The following PAN3 variants were observed in gnomAD, a reference collection of about 807,000 sequenced individuals.
PAN3 encodes poly(A) specific ribonuclease subunit PAN3, also known as PAN2-PAN3 deadenylation complex subunit PAN3.
PAN3 carries 19 observed loss-of-function variants against 96.2 expected under a neutral mutation model. That is an observed-to-expected ratio of 0.20 (90% CI 0.14 to 0.29). The LOEUF (loss-of-function observed/expected upper bound fraction) is 0.29, where lower values mean the gene tolerates loss of function less well. PAN3 is among the 10% of genes least tolerant of loss of function. The probability of loss-of-function intolerance (pLI) is 1.00; values close to 1 mark genes in which losing one functional copy is unlikely to be tolerated. For synonymous variants in PAN3, 433 were observed against 406.6 expected (o/e 1.06, Z -0.78); for missense variants, 882 against 1,108.1 (o/e 0.80, Z 2.90).
chr13:28,146,194 T>C (rs1184723795), intron 1 of PAN3, among the ~76,000 whole-genome samples: 2 of 152,048 alleles, frequency 1.3e-5, no homozygotes, highest in Non-Finnish European at 2.9e-5. Context: ...TCTGTGTGTT[T>C]AGATCTTTTC....
At position 28,280,454 on chromosome 13, in the gene PAN3, C is replaced by T; in HGVS notation, c.2232C>T (p.Asp744=). ...TDQNRMRSVN[D]IMPMIGARFY... ...AAAACAGGATGCGAAGTGTAAATGA[C>T]ATCATGCCCATGATTGGTGCTCGAT... The change falls in exon 16 of 19, where the codon GAC becomes GAT. Residue 744 remains aspartate (D), a synonymous_variant. Transcript: ENST00000380958. 1 of 1,612,472 alleles carries T rather than the reference C, an allele frequency of 6.2e-7. No individual in the cohort carries two copies. Among genetic ancestry groups the T allele is most frequent in the Non-Finnish European group, 8.5e-7 (1 of 1,178,978 alleles).
At chr13:28,141,866 AG>A (rs1869901026) in intron 1 of PAN3, among the ~76,000 whole-genome samples, 1 of 152,180 alleles carries the variant, frequency 6.6e-6, no homozygotes, top group African/African-American at 2.4e-5. Context: ...CTTAAGGTGG[AG>A]GAAAAAATAT....
chr13:28,175,240 G>C (rs1472295618), intron 2 of PAN3, among the ~76,000 whole-genome samples: 1 of 151,956 alleles, frequency 6.6e-6, no homozygotes, highest in Non-Finnish European at 1.5e-5. Context: ...TCATCTTTAC[G>C]TTTCTCTCCC....
At chr13:28,231,880 C>T (rs1312424015) in intron 6 of PAN3, among the ~76,000 whole-genome samples, 2 of 152,030 alleles carry the variant, frequency 1.3e-5, no homozygotes, top group Non-Finnish European at 2.9e-5. Flanking sequence ...CCAGCCTGGG[C>T]AGCACAGTGA....
At chr13:28,247,277 T>A (rs1884286429) in intron 6 of PAN3, among the ~76,000 whole-genome samples, 1 of 152,100 alleles carries the variant, frequency 6.6e-6, no homozygotes, top group South Asian at 2.1e-4. Flanking sequence ...GGATTTATTT[T>A]TTTATTTTTA....
intron 18 of PAN3, among the ~76,000 whole-genome samples, chr13:28,288,325 A>T (rs1459414580): frequency 6.6e-6 from 1 of 152,172 alleles, no homozygotes; most frequent in African/African-American, 2.4e-5. Flanking sequence ...TGGAGGACAG[A>T]GTCTTGCTCT....
At position 28,292,590 on chromosome 13, in the gene PAN3, A is replaced by T. The variant is rs1479787609; in HGVS notation, c.*68A>T. 2 of 1,440,738 alleles carry T rather than the reference A, an allele frequency of 1.4e-6. No individual in the cohort carries two copies. The highest frequency in any genetic ancestry group is 1.9e-6 in the Non-Finnish European group (2 of 1,079,036). 89.2% of individuals were successfully genotyped at this position (1,440,738 alleles called of 1,614,324 possible). ...CCAATAGCAAATTGCACTACAGCTGAACTTTTCATCATCTCATTCACATTT... is the reference window on the plus strand; with the variant it reads ...CCAATAGCAAATTGCACTACAGCTGTACTTTTCATCATCTCATTCACATTT... On this transcript the variant is annotated 3_prime_UTR_variant, in exon 19 of 19. Coordinates refer to ENST00000380958, the MANE Select transcript of PAN3 (RefSeq NM_175854.8).
In PAN3 at chr13:28,139,514, T is replaced by TTGTGTGTGTGTGTGTGTG. The variant is rs10577740; in HGVS notation, c.430+447_430+464dup. ...GGTTCCCTAGTGGGGAGGGGTGTGT[T>TTGTGTGTGTGTGTGTGTG]TGTGTGTGTGTGTGTGTGTGTGTGT... On this transcript the variant is annotated intron_variant, in intron 1 of 18. Transcript: ENST00000380958. Among the ~76,000 whole-genome samples the TTGTGTGTGTGTGTGTGTG allele has an allele frequency of 1.3e-3, 118 of 93,130 alleles. 2 individuals are homozygous for TTGTGTGTGTGTGTGTGTG. The highest frequency in any genetic ancestry group is 5.5e-3 in the African/African-American group (106 of 19,104). 61.1% of individuals were successfully genotyped at this position (93,130 alleles called of 152,430 possible).
In PAN3 at chr13:28,176,550, T is replaced by G. The variant is rs138801468; in HGVS notation, c.610T>G (p.Ser204Ala). 4.3e-5 allele frequency: 70 copies of G among 1,613,892 alleles called. No homozygotes were observed. Among genetic ancestry groups the G allele is most frequent in the African/African-American group, 4.3e-4 (32 of 75,050 alleles). ...TCTAAATGACAGTGCCAAGCCATAT[T>G]CAGCCCATGGTAAGACCTGATCCCT... is the stretch of plus-strand genomic sequence containing the variant. The part of the protein sequence containing the change: ...SLLNDSAKPY[S>A]AHDPLTSPAS... The change falls in exon 3 of 19, where the codon TCA becomes GCA. Residue 204 changes from serine to alanine, a missense_variant. By Grantham distance (99) the Ser-to-Ala change is moderately conservative (BLOSUM62 1). Transcript: ENST00000380958.
intron 1 of PAN3, among the ~76,000 whole-genome samples, chr13:28,139,507 GGTGTGTTTGTGTGTGT>G (rs1566126694): frequency 1.8e-5 from 2 of 111,690 alleles, no homozygotes; most frequent in Non-Finnish European, 1.7e-5. Context: ...AGTGGGGAGG[GGTGTGTTTGTGTGTGT>G]GTGTGTGTGT....
At chr13:28,176,135 T>G (rs192204245) in intron 2 of PAN3, among the ~76,000 whole-genome samples, 496 of 152,296 alleles carry the variant, frequency 3.3e-3, no homozygotes, top group Non-Finnish European at 5.1e-3. Flanking sequence ...ATTAGAGCAT[T>G]TACTCATTTT....
chr13:28,271,954 T>A (rs755315397), intron 13 of PAN3, 27 bp from the exon 14 acceptor site: 5 of 1,433,276 alleles, frequency 3.5e-6, no homozygotes, highest in Non-Finnish European at 4.7e-6. Context: ...TTTTAATTAT[T>A]TTCTTTAAAT....
At chr13:28,154,787 C>A (rs1199282740) in intron 1 of PAN3, among the ~76,000 whole-genome samples, 2 of 151,316 alleles carry the variant, frequency 1.3e-5, no homozygotes, top group Admixed American at 6.6e-5. Flanking sequence ...TGAGCCACCA[C>A]ACTCGGCCTG....
intron 1 of PAN3, among the ~76,000 whole-genome samples, chr13:28,147,714 C>T (rs1432647852): frequency 6.6e-6 from 1 of 152,182 alleles, no homozygotes; most frequent in Non-Finnish European, 1.5e-5. Context: ...AATATGGTTT[C>T]TACTGAACTC....
intron 18 of PAN3, among the ~76,000 whole-genome samples, chr13:28,291,264 A>AAT (rs1869712448): frequency 6.6e-6 from 1 of 152,186 alleles, no homozygotes; most frequent in Non-Finnish European, 1.5e-5. Flanking sequence ...CAATTAATGA[A>AAT]ATAAAGTACA....
At chr13:28,233,005 A>G (rs1478069983) in intron 6 of PAN3, among the ~76,000 whole-genome samples, 2 of 152,048 alleles carry the variant, frequency 1.3e-5, no homozygotes, top group South Asian at 2.1e-4. Context: ...TTAGAATACT[A>G]TTATCTTTTT....
chr13:28,223,871 A>ATT (rs560571140), intron 6 of PAN3, among the ~76,000 whole-genome samples: 1,007 of 75,064 alleles, frequency 0.013, 207 homozygotes, highest in African/African-American at 0.055. Flanking sequence ...ATGAAAAGTG[A>ATT]TTTTTTTTTT....
chr13:28,217,338 T>A (rs1357925755), intron 5 of PAN3, among the ~76,000 whole-genome samples: 2 of 152,000 alleles, frequency 1.3e-5, no homozygotes, highest in African/African-American at 2.4e-5. Flanking sequence ...TCTCAGCACT[T>A]TGGGAGGCTG....
chr13:28,278,119 T>C (rs573497183), intron 15 of PAN3, among the ~76,000 whole-genome samples: 7 of 152,398 alleles, frequency 4.6e-5, no homozygotes, highest in Admixed American at 2.6e-4. Context: ...CAGTCTCTTT[T>C]AGCTTACAGC....
Sources: allele counts gnomAD v4.1 joint callset (sites outside exome capture counted in the v4.1 genomes callset), GRCh38; gene constraint gnomAD v4.1.1; transcripts MANE v1.5; gene names NCBI Gene and HGNC (gene_info 2026-07-23, HGNC 2026-07-21).